Variants in DYNC2LI1 observed in about 807,000 individuals in gnomAD.
DYNC2LI1 encodes cytoplasmic dynein 2 light intermediate chain 1.
DYNC2LI1 carries 45 observed loss-of-function variants against 51.9 expected under a neutral mutation model. The ratio of observed to expected loss-of-function variants is 0.87; its 90% CI spans 0.68 to 1.11. The LOEUF is 1.11. Ranked by LOEUF, DYNC2LI1 falls within the 50% of genes most tolerant of loss-of-function variation. DYNC2LI1 has a pLI of 0.00. For synonymous variants in DYNC2LI1, 130 were observed against 137.8 expected (o/e 0.94, Z 0.40); for missense variants, 490 against 417.4 (o/e 1.17, Z -1.51).
intron 5 of DYNC2LI1, among the ~76,000 whole-genome samples, chr2:43,790,243 G>A (rs761446737): frequency 6.6e-6 from 1 of 152,148 alleles, no homozygotes; most frequent in Non-Finnish European, 1.5e-5. Flanking sequence ...ACCTCAAAAC[G>A]CTTGAGTGAT....
the DYNC2LI1 span, chr2:43,824,069 G>T: frequency 6.2e-7 from 1 of 1,614,222 alleles, no homozygotes. Flanking sequence ...TTCTGAAGGA[G>T]ACGCGTAATC....
chr2:43,800,476 A>G (rs530769563), intron 8 of DYNC2LI1, among the ~76,000 whole-genome samples: 1 of 152,166 alleles, frequency 6.6e-6, no homozygotes, highest in South Asian at 2.1e-4. Context: ...ATTTTGGAAA[A>G]TTTTCTTTTA....
chr2:43,824,255 G>C, the DYNC2LI1 span: 26 of 1,614,088 alleles, frequency 1.6e-5, no homozygotes, highest in Non-Finnish European at 2.1e-5. Context: ...AACTCCAGGA[G>C]AATCTTTGGT....
downstream of DYNC2LI1, chr2:43,814,415 C>T (rs1666684675): frequency 3.8e-6 from 4 of 1,062,756 alleles, no homozygotes; most frequent in East Asian, 2.4e-5. Flanking sequence ...AATACATTTC[C>T]TCCAAGAAAT....
chr2:43,804,063 T>C (rs1021053700), intron 10 of DYNC2LI1, among the ~76,000 whole-genome samples: 4 of 152,240 alleles, frequency 2.6e-5, no homozygotes, highest in African/African-American at 9.6e-5. Flanking sequence ...CTATATCATT[T>C]TGGAATTTCC....
chr2:43,805,151 C>A lies in DYNC2LI1; in HGVS notation c.901-3C>A. ...GAAGTGATTTTGAGATTTGTAATTT[C>A]AGAGTATTAACACGCTGAAAGATAT... On this transcript the variant is annotated splice_polypyrimidine_tract_variant and splice_region_variant and intron_variant, in intron 11 of 12. Coordinates refer to ENST00000260605, the MANE Select transcript of DYNC2LI1 (RefSeq NM_016008.4). 1 of 1,593,406 alleles carries A rather than the reference C, an allele frequency of 6.3e-7. No individual in the cohort carries two copies. Among genetic ancestry groups the A allele is most frequent in the South Asian group, 1.1e-5 (1 of 88,314 alleles).
At chr2:43,790,315 G>A (rs1055323491) in intron 5 of DYNC2LI1, among the ~76,000 whole-genome samples, 1 of 152,144 alleles carries the variant, frequency 6.6e-6, no homozygotes, top group African/African-American at 2.4e-5. Flanking sequence ...ACATTTCTTA[G>A]TGTTCCTGGG....
chr2:43,814,048 G>C (rs1666661853), downstream of DYNC2LI1, among the ~76,000 whole-genome samples: 1 of 152,056 alleles, frequency 6.6e-6, no homozygotes, highest in Non-Finnish European at 1.5e-5. Flanking sequence ...TGAGGTCCTT[G>C]TCTTGGTTCT....
chr2:43,809,341 T>A (rs10186086), intron 12 of DYNC2LI1, among the ~76,000 whole-genome samples: 39,282 of 152,032 alleles, frequency 0.26, 5,822 homozygotes, highest in African/African-American at 0.41. Flanking sequence ...AGTTTTTGAT[T>A]AGAGCTGAAC....
chr2:43,824,259 C>A, the DYNC2LI1 span: 4 of 1,614,190 alleles, frequency 2.5e-6, no homozygotes, highest in East Asian at 6.7e-5. Context: ...CCAGGAGAAT[C>A]TTTGGTTTTG....
chr2:43,776,615 A>G (rs1199370403), intron 1 of DYNC2LI1, among the ~76,000 whole-genome samples, 167 bp from the exon 2 acceptor site: 1 of 152,232 alleles, frequency 6.6e-6, no homozygotes, highest in Non-Finnish European at 1.5e-5. Flanking sequence ...AGAAAAATAA[A>G]ATCATAGAAT....
chr2:43,804,400 A>C (rs1264408375), intron 10 of DYNC2LI1, among the ~76,000 whole-genome samples: 1 of 152,184 alleles, frequency 6.6e-6, no homozygotes, highest in Non-Finnish European at 1.5e-5. Flanking sequence ...GTATAGGTAT[A>C]GGGTGTGGAG....
intron 5 of DYNC2LI1, among the ~76,000 whole-genome samples, chr2:43,791,341 A>G (rs1015151318): frequency 7.9e-5 from 12 of 152,104 alleles, no homozygotes; most frequent in African/African-American, 2.9e-4. Flanking sequence ...CTCCTATTCA[A>G]CTGACTTGTT....
chr2:43,828,142 G>C, the DYNC2LI1 span: 1 of 1,613,590 alleles, frequency 6.2e-7, no homozygotes, highest in South Asian at 1.1e-5. Context: ...TTACAGGAAG[G>C]CTGGGAGTCT....
rs1254631612 is a variant in DYNC2LI1 at position 43,774,051 on chromosome 2, T to TC, written c.-85dup. 2 of 1,585,574 alleles carry TC rather than the reference T, an allele frequency of 1.3e-6. No homozygotes were observed. Among genetic ancestry groups the TC allele is most frequent in the Non-Finnish European group, 1.7e-6 (2 of 1,165,074 alleles). On this transcript the variant is annotated 5_prime_UTR_variant, in exon 1 of 13. Coordinates refer to ENST00000260605, the MANE Select transcript of DYNC2LI1 (RefSeq NM_016008.4). ...CCCATGGCAACCCAGAAGGCCTCACTCCCAGACTCCTTGCGGAGCTCGCCG... is the reference window on the plus strand; with the variant it reads ...CCCATGGCAACCCAGAAGGCCTCACTCCCCAGACTCCTTGCGGAGCTCGCCG...
chr2:43,825,036 GTAGT>G, the DYNC2LI1 span: 2 of 1,612,630 alleles, frequency 1.2e-6, no homozygotes, highest in African/African-American at 1.3e-5. Flanking sequence ...GACAACAGAC[GTAGT>G]TAGTGTGTGA....
At chr2:43,802,481 A>G (rs1391038918) in intron 10 of DYNC2LI1, among the ~76,000 whole-genome samples, 3 of 151,954 alleles carry the variant, frequency 2.0e-5, no homozygotes, top group Non-Finnish European at 2.9e-5. Context: ...ATTAATTGGA[A>G]TGAAAGGAAT....
At chr2:43,824,110 G>A in the DYNC2LI1 span, 1 of 1,614,120 alleles carries the variant, frequency 6.2e-7, no homozygotes, top group Non-Finnish European at 8.5e-7. Flanking sequence ...CAAGTTTCTT[G>A]TCACTCTCCT....
intron 10 of DYNC2LI1, among the ~76,000 whole-genome samples, chr2:43,803,986 A>T (rs746326526): frequency 6.6e-6 from 1 of 152,236 alleles, no homozygotes; most frequent in Admixed American, 6.5e-5. Context: ...CCAATTTCCT[A>T]TGCCTTTACA....
Sources: gnomAD v4.1 joint callset for allele counts (sites outside exome capture counted in the v4.1 genomes callset) on GRCh38, gnomAD v4.1.1 for gene constraint, MANE v1.5 for transcripts, NCBI Gene and HGNC (gene_info 2026-07-23, HGNC 2026-07-21) for gene names.